Variants in SERINC2 observed in about 807,000 individuals in gnomAD.
SERINC2 encodes the protein tumor differentially expressed protein 2.
In SERINC2, 56 loss-of-function variants were observed where a neutral mutation model predicts 54.2. The ratio of observed to expected loss-of-function variants is 1.03; its 90% confidence interval spans 0.83 to 1.29. The LOEUF (loss-of-function observed/expected upper bound fraction) is 1.29. Among genes scored for constraint, SERINC2 ranks in the 50% most tolerant of loss-of-function variants. The pLI, the probability that SERINC2 is intolerant of heterozygous loss-of-function variation, is 0.00. For synonymous variants in SERINC2, 272 were observed against 253.1 expected, an observed-to-expected ratio of 1.07 and a Z score of -0.71; for missense variants, 614 against 607.4, an observed-to-expected ratio of 1.01 and a Z score of -0.12.
chr1:31,424,564 C>A, intron 2 of SERINC2, 119 bp from the exon 3 acceptor site: 1 of 801,820 alleles, frequency 1.2e-6, no homozygotes, highest in Non-Finnish European at 2.0e-6. Context: ...TGGTCCAGCC[C>A]CTGCTGGGAG....
rs1570044574 is a variant in SERINC2 at position 31,424,694 on chromosome 1, G to A, written c.213G>A (p.Val71=). ...VESQLYKLPW[V]CEEGAGIPTV... is the part of the protein sequence containing the mutation. ...GTCTGTCTCCACAGCTGCCCTGGGT[G>A]TGTGAGGAGGGGGCCGGGATCCCCA... is the stretch of plus-strand genomic sequence containing the variant. The change falls in exon 3 of 10, where the codon GTG becomes GTA. Residue 71 remains valine (V), a synonymous_variant. Transcript: ENST00000373709. 1.3e-6 allele frequency: 2 copies of A among 1,599,750 alleles called. No homozygotes were observed. Among genetic ancestry groups the A allele is most frequent in the Non-Finnish European group, 1.7e-6 (2 of 1,173,284 alleles).
chr1:31,431,358 C>A (rs1641193118), intron 8 of SERINC2, among the ~76,000 whole-genome samples: 1 of 150,294 alleles, frequency 6.7e-6, no homozygotes, highest in African/African-American at 2.5e-5. Context: ...GAACTCCTGG[C>A]CCAAGCAATC....
rs782817079 is a variant in SERINC2, at chr1:31,425,891, C to T, written c.588C>T (p.Cys196=). 3.4e-5 allele frequency: 55 copies of T among 1,612,296 alleles called. No homozygotes were observed. Among genetic ancestry groups the T allele is most frequent in the African/African-American group, 2.0e-4 (15 of 75,042 alleles). ...NQRWLGKAEE[C]DSRAWYAGLF... ...GGTGGCTGGGCAAGGCCGAGGAGTG[C>T]GATTCCCGTGCCTGGTACGCAGGTC... Residue 196 remains cysteine, a synonymous_variant, in exon 5 of 10, where the codon TGC becomes TGT. Coordinates refer to ENST00000373709, the MANE Select transcript of SERINC2 (RefSeq NM_178865.5).
At chr1:31,428,956 T>C in intron 6 of SERINC2, 22 bp from the exon 7 acceptor site, 1 of 1,609,070 alleles carries the variant, frequency 6.2e-7, no homozygotes, top group Non-Finnish European at 8.5e-7. Flanking sequence ...GGCAGGGGTC[T>C]TACCAGGGGT....
chr1:31,426,738 G>T lies in SERINC2; in HGVS notation c.695G>T (p.Gly232Val). The T allele has an allele frequency of 6.2e-7, 1 of 1,614,112 alleles. No homozygotes were observed. Among genetic ancestry groups the T allele is most frequent in the East Asian group, 2.2e-5 (1 of 44,880 alleles). The change falls in exon 6 of 10, where the codon GGC becomes GTC. Residue 232 changes from glycine (G) to valine (V), a missense_variant. Coordinates refer to ENST00000373709, the MANE Select transcript of SERINC2 (RefSeq NM_178865.5). ...LMFMYYTEPS[G>V]CHEGKVFISL... ...TTCATGTACTACACTGAGCCCAGCGGCTGCCACGAGGGCAAGGTCTTCATC... is the reference window on the plus strand; with the variant it reads ...TTCATGTACTACACTGAGCCCAGCGTCTGCCACGAGGGCAAGGTCTTCATC...
chr1:31,430,333 G>C (rs1553134274), intron 8 of SERINC2, among the ~76,000 whole-genome samples: 1 of 151,600 alleles, frequency 6.6e-6, no homozygotes, highest in Non-Finnish European at 1.5e-5. Flanking sequence ...GGGCAACATA[G>C]TAAGACGCTG....
At chr1:31,411,836 C>T (rs910528784), upstream of SERINC2, among the ~76,000 whole-genome samples, 3 of 151,706 alleles carry the variant, frequency 2.0e-5, no homozygotes, top group East Asian at 5.8e-4. Flanking sequence ...CATCTCTACA[C>T]AAAATTTTTA....
intron 8 of SERINC2, among the ~76,000 whole-genome samples, chr1:31,431,796 TAGGGTGGACAGGGTGGACAGGGTGGA>T (rs1557499820): frequency 0.04 from 433 of 10,884 alleles, 33 homozygotes; most frequent in Non-Finnish European, 0.057. Flanking sequence ...ATAGGGTGGA[TAGGGTGGACAGGGTGGACAGGGTGGA>T]TAGGGTGGAT....
At chr1:31,433,467 G>A (rs1377030097) in intron 9 of SERINC2, among the ~76,000 whole-genome samples, 3 of 152,104 alleles carry the variant, frequency 2.0e-5, no homozygotes, top group African/African-American at 7.2e-5. Flanking sequence ...ACAAATCAGG[G>A]GTCATGGGGT....
chr1:31,411,391 C>T (rs1487464356), upstream of SERINC2, among the ~76,000 whole-genome samples: 3 of 152,118 alleles, frequency 2.0e-5, no homozygotes, highest in African/African-American at 2.4e-5. Flanking sequence ...ATTTACATTT[C>T]GCGTGTCACT....
intron 4 of SERINC2, among the ~76,000 whole-genome samples, 176 bp downstream of exon 4, chr1:31,425,585 C>A (rs1641018837): frequency 6.6e-6 from 1 of 152,208 alleles, no homozygotes; most frequent in Non-Finnish European, 1.5e-5. Flanking sequence ...GGCCTTTGTG[C>A]AACCCAGGGG....
At chr1:31,427,840 T>C (rs1349947713) in intron 6 of SERINC2, among the ~76,000 whole-genome samples, 1 of 146,300 alleles carries the variant, frequency 6.8e-6, no homozygotes, top group African/African-American at 2.5e-5. Context: ...TTTTTTTTTT[T>C]TTTTTTGAGA....
chr1:31,432,112 A>T (rs1553134718), intron 8 of SERINC2, among the ~76,000 whole-genome samples: 3 of 125,578 alleles, frequency 2.4e-5, no homozygotes, highest in Non-Finnish European at 3.4e-5. Flanking sequence ...CAGGGTGGAT[A>T]GGGTGGTTAG....
In SERINC2 at chr1:31,429,438, G is replaced by A. The variant is rs374259246; in HGVS notation, c.913G>A (p.Glu305Lys). 1.7e-5 allele frequency: 27 copies of A among 1,613,808 alleles called. No individual in the cohort carries two copies. The highest frequency in any genetic ancestry group is 1.1e-4 in the African/African-American group (8 of 74,936). Residue 305 changes from glutamate to lysine, a missense_variant, in exon 8 of 10, where the codon GAG becomes AAG. Transcript: ENST00000373709. ...CCATTTGCCAACCCAGCTGGGCAAC[G>A]AGACAGTTGTGGCAGGCCCCGAGGG... Reference protein sequence around the residue: ...NPHLPTQLGNETVVAGPEGYE... With the variant: ...NPHLPTQLGNKTVVAGPEGYE...
rs4949402 is a variant in SERINC2 at position 31,425,387 on chromosome 1, T to C, written c.450T>C (p.Ile150=). Residue 150 remains isoleucine, a synonymous_variant, in exon 4 of 10, where the codon ATT becomes ATC. Transcript: ENST00000373709. ...LVGLTVGAFY[I]PDGSFTNIWF... ...GCCTCACCGTGGGTGCCTTCTACAT[T>C]CCTGACGGCTCCTTCACCAACAGTA... 853,451 of 1,609,294 alleles carry C rather than the reference T, an allele frequency of 0.53. 234,734 individuals are homozygous for C. Among genetic ancestry groups the C allele is most frequent in the Non-Finnish European group, 0.57 (675,261 of 1,175,796 alleles).
chr1:31,413,823 G>C lies in SERINC2; in HGVS notation c.39+519G>C, dbSNP rs1640706468. 7.1e-7 allele frequency: 1 copy of C among 1,400,830 alleles called. No homozygotes were observed. The highest frequency in any genetic ancestry group is 9.2e-7 in the Non-Finnish European group (1 of 1,084,142). 86.8% of individuals were successfully genotyped at this position (1,400,830 alleles called of 1,614,324 possible). A position where few individuals can be genotyped will look rare whatever the true frequency, so the allele number is the denominator to read the frequency against. On this transcript the variant is annotated intron_variant, in intron 1 of 9. Coordinates refer to ENST00000373709, the MANE Select transcript of SERINC2 (RefSeq NM_178865.5). The surrounding 1 kb of genome is among the most constrained non-coding windows in gnomAD (Gnocchi z 5.0). ...TCCGCCTGTCCGTTCGTATTTGTCTGGTTCCTGTCTGTGTCCGTCGTTCGT... is the reference window on the plus strand; with the variant it reads ...TCCGCCTGTCCGTTCGTATTTGTCTCGTTCCTGTCTGTGTCCGTCGTTCGT...
intron 8 of SERINC2, among the ~76,000 whole-genome samples, chr1:31,432,434 TA>T (rs781848890): frequency 6.6e-6 from 1 of 152,104 alleles, no homozygotes; most frequent in Non-Finnish European, 1.5e-5. Flanking sequence ...GTTCTTTTTT[TA>T]GTGTAAGCAT....
In SERINC2 at chr1:31,429,489, C is replaced by T; in HGVS notation, c.964C>T (p.Pro322Ser). ...CTATGAGACCCAGTGGTGGGATGCC[C>T]CGAGCATTGTGGGCCTCATCATCTT... ...EGYETQWWDA[P>S]SIVGLIIFLL... The change falls in exon 8 of 10, where the codon CCG (proline) becomes TCG (serine). Residue 322 changes from proline to serine, a missense_variant. By Grantham distance (74) the Pro-to-Ser change is moderately conservative. Transcript: ENST00000373709. 1 of 1,613,766 alleles carries T rather than the reference C, an allele frequency of 6.2e-7. No homozygotes were observed. The highest frequency in any genetic ancestry group is 8.5e-7 in the Non-Finnish European group (1 of 1,179,854).
chr1:31,428,898 C>A, intron 6 of SERINC2, 80 bp from the exon 7 acceptor site: 1 of 1,142,432 alleles, frequency 8.8e-7, no homozygotes, highest in Non-Finnish European at 1.3e-6. Context: ...TTTCTGAGGT[C>A]CCTTGGCTGG....
Sources: allele counts gnomAD v4.1 joint callset (sites outside exome capture counted in the v4.1 genomes callset), GRCh38; gene constraint gnomAD v4.1.1; non-coding constraint Gnocchi (gnomAD v3.1); transcripts MANE v1.5; gene names NCBI Gene and HGNC (gene_info 2026-07-23, HGNC 2026-07-21).